The following GABRP variants were observed in gnomAD, a reference collection of about 807,000 sequenced individuals.
GABRP encodes the protein gamma-aminobutyric acid type A receptor subunit pi.
Under a neutral mutation model 47.8 loss-of-function variants are expected in GABRP, and 52 were observed. The observed-to-expected ratio is 1.09, with a 90% CI of 0.87 to 1.37. The LOEUF is 1.37. Among genes scored for constraint, GABRP ranks in the 40% most tolerant of loss-of-function variants. The pLI is 0.00. For missense variants in GABRP, 525 were observed against 542.8 expected (o/e 0.97, Z 0.33); for synonymous variants, 221 against 205.8 (o/e 1.07, Z -0.63).
At position 170,808,722 on chromosome 5, in the gene GABRP, C is replaced by T. The variant is rs1419532793; in HGVS notation, c.802C>T (p.Leu268Phe). 6.2e-7 allele frequency: 1 copy of T among 1,614,184 alleles called. No homozygotes were observed. The highest frequency in any genetic ancestry group is 1.7e-5 in the Admixed American group (1 of 60,024). Residue 268 changes from leucine (L) to phenylalanine (F), a missense_variant, in exon 8 of 10, where the codon CTC becomes TTC. Coordinates refer to ENST00000265294, the MANE Select transcript of GABRP (RefSeq NM_014211.3). ...VLSWVSFWIS[L>F]DSVPARTCIG... is the part of the protein sequence containing the mutation. The stretch of plus-strand genomic sequence containing the variant: ...GTCCTGGGTTTCATTTTGGATCTCT[C>T]TCGATTCAGTCCCTGCAAGAACCTG...
At chr5:170,794,167 C>T (rs1765357079) in intron 3 of GABRP, 64 bp from the exon 4 acceptor site, 2 of 1,028,818 alleles carry the variant, frequency 1.9e-6, no homozygotes, top group Admixed American at 4.2e-5. Context: ...TTAGAATGCA[C>T]TAATATAGTA....
chr5:170,798,965 G>A (rs1276584050), intron 6 of GABRP, among the ~76,000 whole-genome samples: 6 of 125,438 alleles, frequency 4.8e-5, no homozygotes, highest in Non-Finnish European at 3.2e-5. Flanking sequence ...CCCTTCCTGT[G>A]TTCCCCTTCC....
At chr5:170,808,800 C>T in intron 8 of GABRP, 48 bp downstream of exon 8, 1 of 1,569,274 alleles carries the variant, frequency 6.4e-7, no homozygotes, top group Non-Finnish European at 8.7e-7. Context: ...TATCAGGTTA[C>T]TTACTTTTTT....
Position 170,812,047 on chromosome 5 carries a change from T to C in GABRP, c.1112T>C (p.Ile371Thr), listed in dbSNP as rs772860257. 6.2e-7 allele frequency: 1 copy of C among 1,614,182 alleles called. No individual in the cohort carries two copies. Among genetic ancestry groups the C allele is most frequent in the South Asian group, 1.1e-5 (1 of 91,080 alleles). ...SFKRKISFAS[I>T]EISSDNVDYS... is the part of the protein sequence containing the mutation. ...AAACGGAAGATCAGCTTTGCCAGCA[T>C]TGAAATTTCCAGCGACAACGTTGAC... Residue 371 changes from isoleucine (I) to threonine (T), a missense_variant, in exon 10 of 10, where the codon ATT (isoleucine) becomes ACT (threonine). Ile to Thr is a moderately conservative substitution (Grantham distance 89). Coordinates refer to ENST00000265294, the MANE Select transcript of GABRP (RefSeq NM_014211.3).
intron 6 of GABRP, among the ~76,000 whole-genome samples, chr5:170,802,997 G>A (rs1389062569): frequency 5.9e-5 from 9 of 152,182 alleles, no homozygotes; most frequent in Admixed American, 5.9e-4. Flanking sequence ...AGACCATAAT[G>A]TAATGATTGT....
intron 9 of GABRP, chr5:170,809,961 ATTAATATGT>A: frequency 1.4e-6 from 1 of 702,582 alleles, no homozygotes; most frequent in Non-Finnish European, 2.6e-6. Flanking sequence ...ACAATGAGAT[ATTAATATGT>A]TTAATTTTCC....
intron 1 of GABRP, among the ~76,000 whole-genome samples, chr5:170,785,873 G>A (rs1765117989): frequency 6.6e-6 from 1 of 152,226 alleles, no homozygotes; most frequent in African/African-American, 2.4e-5. Context: ...GGGCAAGCCT[G>A]CACATCTCTG....
At chr5:170,809,474 C>A in intron 8 of GABRP, 94 bp from the exon 9 acceptor site, 2 of 1,242,770 alleles carry the variant, frequency 1.6e-6, no homozygotes, top group Non-Finnish European at 2.3e-6. Context: ...GTCTTGCCCT[C>A]ACCCTGCCAA....
intron 3 of GABRP, among the ~76,000 whole-genome samples, chr5:170,790,022 A>G (rs781454819): frequency 2.6e-5 from 4 of 152,094 alleles, no homozygotes; most frequent in Non-Finnish European, 5.9e-5. Flanking sequence ...AGCCGTTCCC[A>G]TTATGCTATA....
rs149140731 is a variant in GABRP at position 170,805,764 on chromosome 5, A to G, written c.590A>G (p.Asp197Gly). ...GAGTTCACCTGGCTGAGAGGGAACG[A>G]CTCTGTGCGTGGACTGGAACACCTG... is the stretch of plus-strand genomic sequence containing the variant. Reference protein sequence around the residue: ...DVEFTWLRGNDSVRGLEHLRL... With the variant: ...DVEFTWLRGNGSVRGLEHLRL... The change falls in exon 7 of 10, where the codon GAC becomes GGC. Residue 197 changes from aspartate (D) to glycine (G), a missense_variant. By Grantham distance (94) the Asp-to-Gly change is moderately conservative (BLOSUM62 -1). Coordinates refer to ENST00000265294, the MANE Select transcript of GABRP (RefSeq NM_014211.3). 21 of 1,613,910 alleles carry G rather than the reference A, an allele frequency of 1.3e-5. No homozygotes were observed. The East Asian group carries it at 4.5e-4, about 34-fold the overall frequency.
chr5:170,812,306 TA>T lies in GABRP; in HGVS notation c.*50del. On this transcript the variant is annotated 3_prime_UTR_variant, in exon 10 of 10. Transcript: ENST00000265294. ...GCCATAGGTCTTCAACAGGACAAGATAATGATGTAAATGGTATTTTAGGCCA... is the reference window on the plus strand; with the variant it reads ...GCCATAGGTCTTCAACAGGACAAGATATGATGTAAATGGTATTTTAGGCCA... The T allele has an allele frequency of 1.4e-6, 2 of 1,465,686 alleles. No homozygotes were observed. Among genetic ancestry groups the T allele is most frequent in the Non-Finnish European group, 1.9e-6 (2 of 1,063,208 alleles). The allele number at this position is 1,465,686 out of a possible 1,614,324, so 90.8% of individuals were successfully genotyped here. A position where few individuals can be genotyped will look rare whatever the true frequency, so the allele number is the denominator to read the frequency against.
chr5:170,792,058 C>T (rs1465816576), intron 3 of GABRP, among the ~76,000 whole-genome samples: 1 of 152,158 alleles, frequency 6.6e-6, no homozygotes, highest in Non-Finnish European at 1.5e-5. Context: ...TCTTAACACT[C>T]TTACAATGGC....
At position 170,788,685 on chromosome 5, in the gene GABRP, C is replaced by T; in HGVS notation, c.53+17C>T. 1 of 1,613,106 alleles carries T rather than the reference C, an allele frequency of 6.2e-7. No homozygotes were observed. On this transcript the variant is annotated intron_variant, in intron 2 of 9. Transcript: ENST00000265294. ...CACTGAGAGGTGAGCTTTGCTACCCCCAGAATGGCCTCCATCTGCGTTGCT... is the reference window on the plus strand; with the variant it reads ...CACTGAGAGGTGAGCTTTGCTACCCTCAGAATGGCCTCCATCTGCGTTGCT...
chr5:170,784,265 G>A (rs1013437060), intron 1 of GABRP, among the ~76,000 whole-genome samples: 1 of 152,188 alleles, frequency 6.6e-6, no homozygotes, highest in Admixed American at 6.5e-5. Context: ...GGAAAACTGT[G>A]CCTGCATAGG....
At chr5:170,788,916 CATG>C (rs1460056416) in intron 2 of GABRP, among the ~76,000 whole-genome samples, 4 of 152,022 alleles carry the variant, frequency 2.6e-5, no homozygotes, top group South Asian at 2.1e-4. Context: ...TCCAAATTAC[CATG>C]ATATTTTGAT....
chr5:170,784,616 G>A (rs1339255137), intron 1 of GABRP, among the ~76,000 whole-genome samples: 1 of 152,128 alleles, frequency 6.6e-6, no homozygotes, highest in East Asian at 1.9e-4. Context: ...TGGCACCTGG[G>A]GTGTATATAG....
At chr5:170,792,063 AATG>A in intron 3 of GABRP, among the ~76,000 whole-genome samples, 1 of 152,218 alleles carries the variant, frequency 6.6e-6, no homozygotes, top group Non-Finnish European at 1.5e-5. Context: ...ACACTCTTAC[AATG>A]GCAATTAAAT....
chr5:170,790,089 A>G (rs1282651178), intron 3 of GABRP, among the ~76,000 whole-genome samples: 1 of 152,136 alleles, frequency 6.6e-6, no homozygotes, highest in Non-Finnish European at 1.5e-5. Context: ...GTCTGACTTC[A>G]TTTCCCTCAC....
At chr5:170,801,109 AG>A (rs975294188) in intron 6 of GABRP, among the ~76,000 whole-genome samples, 1 of 152,192 alleles carries the variant, frequency 6.6e-6, no homozygotes, top group African/African-American at 2.4e-5. Flanking sequence ...AGAGAAATTG[AG>A]GTTCATTAGG....
Sources: allele counts gnomAD v4.1 joint callset (sites outside exome capture counted in the v4.1 genomes callset), GRCh38; gene constraint gnomAD v4.1.1; transcripts MANE v1.5; gene names NCBI Gene and HGNC (gene_info 2026-07-23, HGNC 2026-07-21).